Variants in FKBP1B observed in about 807,000 individuals in gnomAD.
The protein encoded by FKBP1B is FKBP prolyl isomerase 1B, also known as peptidyl-prolyl cis-trans isomerase FKBP1B.
Under a neutral mutation model 13.5 loss-of-function variants are expected in FKBP1B, and 4 were observed. That is an observed-to-expected ratio of 0.30 (90% CI 0.15 to 0.68). FKBP1B has a LOEUF of 0.68. Among genes scored for constraint, FKBP1B ranks in the 30% least tolerant of loss-of-function variants. The probability of loss-of-function intolerance (pLI) is 0.76; values close to 1 mark genes in which losing one functional copy is unlikely to be tolerated. For synonymous variants in FKBP1B, 54 were observed against 53.6 expected (o/e 1.01, Z -0.03); for missense variants, 93 against 136.2 (o/e 0.68, Z 1.58).
intron 2 of FKBP1B, 24 bp downstream of exon 2, chr2:24,053,973 C>G: frequency 3.1e-6 from 5 of 1,611,978 alleles, no homozygotes; most frequent in Non-Finnish European, 4.2e-6. Flanking sequence ...CCTCAGCCCC[C>G]ACCCAGTCCT....
the FKBP1B span, among the ~76,000 whole-genome samples, chr2:24,034,632 G>A: frequency 1.4e-5 from 2 of 147,946 alleles, no homozygotes; most frequent in African/African-American, 5.0e-5. Context: ...GGCGTGCAGT[G>A]GCACGATCAC....
chr2:24,062,954 G>A (rs2150973929), intron 3 of FKBP1B, 110 bp from the exon 4 acceptor site: 1 of 1,496,510 alleles, frequency 6.7e-7, no homozygotes, highest in East Asian at 2.3e-5. Context: ...GAGATCTTCA[G>A]AGTTAACATT....
chr2:24,053,712 T>C (rs532348619), intron 1 of FKBP1B, among the ~76,000 whole-genome samples, 190 bp from the exon 2 acceptor site: 1 of 152,052 alleles, frequency 6.6e-6, no homozygotes, highest in East Asian at 1.9e-4. Context: ...GGGGGTAAAG[T>C]AAATCCAGGC....
chr2:24,054,302 C>G (rs531339372), intron 2 of FKBP1B: 22 of 436,710 alleles, frequency 5.0e-5, no homozygotes, highest in African/African-American at 4.4e-4. Flanking sequence ...TCCCCGCAGA[C>G]TTTCTCTCCA....
chr2:24,039,948 C>T, the FKBP1B span, among the ~76,000 whole-genome samples: 2 of 152,056 alleles, frequency 1.3e-5, no homozygotes, highest in Non-Finnish European at 2.9e-5. Flanking sequence ...CAGGTGCCTG[C>T]CACCAGGCCC....
chr2:24,038,099 T>C, the FKBP1B span: 4 of 1,614,226 alleles, frequency 2.5e-6, no homozygotes, highest in Admixed American at 1.7e-5. Context: ...GGGGAAAGAC[T>C]TTCAATTAAC....
At chr2:24,062,790 C>A (rs1318354981) in intron 3 of FKBP1B, among the ~76,000 whole-genome samples, 1 of 152,202 alleles carries the variant, frequency 6.6e-6, no homozygotes, top group African/African-American at 2.4e-5. Context: ...TTCAGTCATA[C>A]ACAAATTGAA....
At chr2:24,054,105 C>G in intron 2 of FKBP1B, 156 bp downstream of exon 2, 1 of 746,222 alleles carries the variant, frequency 1.3e-6, no homozygotes, top group Non-Finnish European at 2.4e-6. Context: ...TCCTCCCAGC[C>G]AGTCTAGTGG....
chr2:24,039,180 A>T, the FKBP1B span: 1 of 1,614,240 alleles, frequency 6.2e-7, no homozygotes, highest in Non-Finnish European at 8.5e-7. Flanking sequence ...TAATCTCACA[A>T]GTCTGAGACG....
At chr2:24,052,189 A>G (rs1663910876) in intron 1 of FKBP1B, among the ~76,000 whole-genome samples, 1 of 152,134 alleles carries the variant, frequency 6.6e-6, no homozygotes, top group Non-Finnish European at 1.5e-5. Flanking sequence ...AAATCAAGCT[A>G]TCATTGATTT....
chr2:24,039,304 G>C, the FKBP1B span: 1 of 1,614,222 alleles, frequency 6.2e-7, no homozygotes, highest in Non-Finnish European at 8.5e-7. Flanking sequence ...TGGGGCCCAG[G>C]ACAACCCACA....
chr2:24,050,312 G>A lies in FKBP1B; in HGVS notation c.37+426G>A, dbSNP rs1174826549. On this transcript the variant is annotated intron_variant, in intron 1 of 3. Transcript: ENST00000380986. The surrounding 1 kb of genome is among the most constrained non-coding windows in gnomAD (Gnocchi z 5.8). ...CTGCTCGGGGACCTCCTCCTAGCGC[G>A]TCCCCCGCCGGGCCTCCCCTCGGTC... 1.3e-5 allele frequency among the ~76,000 whole-genome samples: 2 copies of A among 152,160 alleles called. No individual in the cohort carries two copies. The highest frequency in any genetic ancestry group is 4.8e-5 in the African/African-American group (2 of 41,454).
At chr2:24,055,014 A>G (rs1664054268) in intron 2 of FKBP1B, among the ~76,000 whole-genome samples, 1 of 152,172 alleles carries the variant, frequency 6.6e-6, no homozygotes, top group African/African-American at 2.4e-5. Flanking sequence ...AAATATAAAT[A>G]TAGTAGAGAA....
chr2:24,051,426 C>A (rs1228732605), intron 1 of FKBP1B, among the ~76,000 whole-genome samples: 1 of 152,170 alleles, frequency 6.6e-6, no homozygotes. Context: ...CCAGGAGGGG[C>A]CTTTGGTGCT....
chr2:24,060,975 G>A (rs1664364258), intron 3 of FKBP1B, 49 bp downstream of exon 3: 1 of 1,393,736 alleles, frequency 7.2e-7, no homozygotes, highest in African/African-American at 1.4e-5. Flanking sequence ...TGGGGATCTG[G>A]GATCAGCACT....
At chr2:24,057,342 C>T (rs1194927251) in intron 2 of FKBP1B, among the ~76,000 whole-genome samples, 2 of 151,538 alleles carry the variant, frequency 1.3e-5, no homozygotes, top group Non-Finnish European at 2.9e-5. Context: ...AGTACAGGAA[C>T]ATGCTACCAT....
the FKBP1B span, among the ~76,000 whole-genome samples, chr2:24,041,557 A>T: frequency 1.3e-5 from 2 of 152,060 alleles, no homozygotes; most frequent in East Asian, 3.9e-4. Flanking sequence ...GCTCATAGGC[A>T]TGAGCCACCC....
At chr2:24,046,964 T>C (rs1417872824), upstream of FKBP1B, among the ~76,000 whole-genome samples, 3 of 152,308 alleles carry the variant, frequency 2.0e-5, no homozygotes, top group South Asian at 6.2e-4. Context: ...CATAATGTAC[T>C]GAACTGCTCC....
the FKBP1B span, chr2:24,039,619 GGA>G: frequency 1.0e-6 from 1 of 968,444 alleles, no homozygotes; most frequent in Non-Finnish European, 1.5e-6. Context: ...TTAATAATGT[GGA>G]GAGACAAAAG....
Sources: allele counts gnomAD v4.1 joint callset (sites outside exome capture counted in the v4.1 genomes callset), GRCh38; gene constraint gnomAD v4.1.1; non-coding constraint Gnocchi (gnomAD v3.1); transcripts MANE v1.5; gene names NCBI Gene and HGNC (gene_info 2026-07-23, HGNC 2026-07-21).